RFTN1: variants seen among roughly 807,000 people sequenced by gnomAD.
RFTN1 encodes the protein raftlin, lipid raft linker 1, also known as raftlin.
Under a neutral mutation model 46.5 loss-of-function variants are expected in RFTN1, and 26 were observed. That is an observed-to-expected ratio of 0.56 (90% CI 0.41 to 0.78). The LOEUF is 0.78. RFTN1 is among the 30% of genes least tolerant of loss of function. The pLI, the probability that RFTN1 is intolerant of heterozygous loss-of-function variation, is 0.00. For synonymous variants in RFTN1, 261 were observed against 284.2 expected (o/e 0.92, Z 0.82); for missense variants, 693 against 718.7 (o/e 0.96, Z 0.41).
chr3:16,455,950 T>C (rs2075897307), intron 2 of RFTN1, among the ~76,000 whole-genome samples: 1 of 151,958 alleles, frequency 6.6e-6, no homozygotes, highest in African/African-American at 2.4e-5. Context: ...TAGTTTCACA[T>C]CCCCCGACAC....
rs954618769 is a variant in RFTN1 at position 16,320,993 on chromosome 3, C to T, written c.1332+2383G>A. 3.9e-5 allele frequency among the ~76,000 whole-genome samples: 6 copies of T among 152,044 alleles called. No homozygotes were observed. Among genetic ancestry groups the T allele is most frequent in the East Asian group, 1.9e-4 (1 of 5,194 alleles). On this transcript the variant is annotated intron_variant, in intron 9 of 9. Coordinates refer to ENST00000334133, the MANE Select transcript of RFTN1 (RefSeq NM_015150.2). This position sits in a 1 kb window ranked among gnomAD's most constrained non-coding sequence, Gnocchi z 4.5. ...TATTAGGAGATTAGAATAGCTGAGG[C>T]GAGTGATGGTAGAGAGAAGTGGAGG...
intron 7 of RFTN1, among the ~76,000 whole-genome samples, chr3:16,339,101 CTT>C (rs1302907033): frequency 6.6e-6 from 1 of 152,234 alleles, no homozygotes; most frequent in Non-Finnish European, 1.5e-5. Flanking sequence ...CTGTCACAGT[CTT>C]GACTCACTAA....
In RFTN1 at chr3:16,506,907, C is replaced by T. The variant is rs919594345; in HGVS notation, c.-9+6535G>A. ...GAATAGGAAAGACACTTATCTGGTA[C>T]AGGATGGTAAAGGGCATTTGGAATA... On this transcript the variant is annotated intron_variant, in intron 1 of 9. Transcript: ENST00000334133. This position sits in a 1 kb window ranked among gnomAD's most constrained non-coding sequence, Gnocchi z 4.8. Among the ~76,000 whole-genome samples, 1 of 152,162 alleles carries T rather than the reference C, an allele frequency of 6.6e-6. No homozygotes were observed. The highest frequency in any genetic ancestry group is 1.5e-5 in the Non-Finnish European group (1 of 68,030).
intron 2 of RFTN1, among the ~76,000 whole-genome samples, chr3:16,488,522 A>G (rs1471184879): frequency 2.6e-5 from 4 of 152,218 alleles, no homozygotes; most frequent in Admixed American, 2.0e-4. Flanking sequence ...TCCATGAAAA[A>G]TAAGTGTATA....
At chr3:16,372,841 T>C (rs2073578621) in intron 5 of RFTN1, among the ~76,000 whole-genome samples, 1 of 152,140 alleles carries the variant, frequency 6.6e-6, no homozygotes, top group African/African-American at 2.4e-5. Context: ...AATAAATTTC[T>C]CAGGAAAAGG....
In RFTN1 at chr3:16,346,753, T is replaced by C. The variant is rs1467629240; in HGVS notation, c.1146+11179A>G. On this transcript the variant is annotated intron_variant, in intron 7 of 9. Transcript: ENST00000334133. The surrounding 1 kb of genome is among the most constrained non-coding windows in gnomAD (Gnocchi z 4.4). ...GTGTGGCAGGAAAAAACTGCCCCGT[T>C]CTTCACGGTTGTCATCACATTTGCA... 6.6e-6 allele frequency among the ~76,000 whole-genome samples: 1 copy of C among 152,206 alleles called. No individual in the cohort carries two copies. Among genetic ancestry groups the C allele is most frequent in the Non-Finnish European group, 1.5e-5 (1 of 68,028 alleles).
rs2075248684 is a variant in RFTN1 at position 16,424,295 on chromosome 3, G to A, written c.332+9556C>T. Among the ~76,000 whole-genome samples, 2 of 152,190 alleles carry A rather than the reference G, an allele frequency of 1.3e-5. No homozygotes were observed. Among genetic ancestry groups the A allele is most frequent in the Admixed American group, 1.3e-4 (2 of 15,282 alleles). ...ACTCCAAACTTCGGACTGAGAAGTC[G>A]TTAATGACTTCTTCAGCCTCATTTT... On this transcript the variant is annotated intron_variant, in intron 3 of 9. Coordinates refer to ENST00000334133, the MANE Select transcript of RFTN1 (RefSeq NM_015150.2). The surrounding 1 kb of genome is among the most constrained non-coding windows in gnomAD (Gnocchi z 4.7).
At position 16,351,436 on chromosome 3, in the gene RFTN1, G is replaced by A. The variant is rs2072095757; in HGVS notation, c.1146+6496C>T. ...AGAAGCGAATAGTATGAAATAAAATGGGGGTTAACTCAACAAAAGATTGAA... is the reference window on the plus strand; with the variant it reads ...AGAAGCGAATAGTATGAAATAAAATAGGGGTTAACTCAACAAAAGATTGAA... On this transcript the variant is annotated intron_variant, in intron 7 of 9. Transcript: ENST00000334133. This position sits in a 1 kb window ranked among gnomAD's most constrained non-coding sequence, Gnocchi z 5.4. 6.6e-6 allele frequency among the ~76,000 whole-genome samples: 1 copy of A among 152,188 alleles called. No individual in the cohort carries two copies. The highest frequency in any genetic ancestry group is 1.5e-5 in the Non-Finnish European group (1 of 68,032).
rs778052652 is a variant in RFTN1 at position 16,357,973 on chromosome 3, C to T, written c.1105G>A (p.Gly369Ser). 1 of 1,613,064 alleles carries T rather than the reference C, an allele frequency of 6.2e-7. No individual in the cohort carries two copies. Residue 369 changes from glycine to serine, a missense_variant, in exon 7 of 10, where the codon GGC (glycine) becomes AGC (serine). Coordinates refer to ENST00000334133, the MANE Select transcript of RFTN1 (RefSeq NM_015150.2). ...VSTEDSKTIQGYDAIVVEQWT... is the reference protein window; with the variant it reads ...VSTEDSKTIQSYDAIVVEQWT... ...TGTTCAACCACAATAGCATCATAGC[C>T]CTGTATGGTTTTGCTATCTTCTGTG...
rs1491254639 is a variant in RFTN1, at chr3:16,465,454, ACC to A, written c.145+28269_145+28270del. On this transcript the variant is annotated intron_variant, in intron 2 of 9. Coordinates refer to ENST00000334133, the MANE Select transcript of RFTN1 (RefSeq NM_015150.2). This position sits in a 1 kb window ranked among gnomAD's most constrained non-coding sequence, Gnocchi z 5.1. Reference sequence around the variant, plus strand: ...CACACACACACACACACACACACACACCCCATGCCTGATTAAACAAAATAATT... The same window carrying A: ...CACACACACACACACACACACACACACCATGCCTGATTAAACAAAATAATT... Among the ~76,000 whole-genome samples, 18 of 144,778 alleles carry A rather than the reference ACC, an allele frequency of 1.2e-4. No homozygotes were observed. The highest frequency in any genetic ancestry group is 4.5e-4 in the African/African-American group (16 of 35,414). The allele number at this position is 144,778 out of a possible 152,430, so 95.0% of individuals were successfully genotyped here.
intron 2 of RFTN1, among the ~76,000 whole-genome samples, chr3:16,486,550 C>T (rs1559371034): frequency 1.3e-5 from 2 of 152,194 alleles, no homozygotes; most frequent in South Asian, 2.1e-4. Flanking sequence ...TCTGCTTCCA[C>T]CCTCTTCTCC....
rs1291010961 is a variant in RFTN1, at chr3:16,426,056, G to T, written c.332+7795C>A. Among the ~76,000 whole-genome samples, 1 of 152,194 alleles carries T rather than the reference G, an allele frequency of 6.6e-6. No homozygotes were observed. Among genetic ancestry groups the T allele is most frequent in the Non-Finnish European group, 1.5e-5 (1 of 68,038 alleles). ...ATTCCCCGCTCTGCCTTAAGCAAGA[G>T]CTCTGAATTCACCTTCCTCAATGTC... is the stretch of plus-strand genomic sequence containing the variant. On this transcript the variant is annotated intron_variant, in intron 3 of 9. Coordinates refer to ENST00000334133, the MANE Select transcript of RFTN1 (RefSeq NM_015150.2). This position sits in a 1 kb window ranked among gnomAD's most constrained non-coding sequence, Gnocchi z 5.9.
rs1391926154 is a variant in RFTN1 at position 16,446,743 on chromosome 3, C to A, written c.146-12706G>T. 6.6e-6 allele frequency among the ~76,000 whole-genome samples: 1 copy of A among 152,074 alleles called. No homozygotes were observed. The highest frequency in any genetic ancestry group is 2.4e-5 in the African/African-American group (1 of 41,378). ...AGAAAATGGAAAACAAGAGATTTCCCAAAAAGTGCGGTACCCGAGGGTATG... is the reference window on the plus strand; with the variant it reads ...AGAAAATGGAAAACAAGAGATTTCCAAAAAAGTGCGGTACCCGAGGGTATG... On this transcript the variant is annotated intron_variant, in intron 2 of 9. Coordinates refer to ENST00000334133, the MANE Select transcript of RFTN1 (RefSeq NM_015150.2). The surrounding 1 kb of genome is among the most constrained non-coding windows in gnomAD (Gnocchi z 4.5).
chr3:16,476,383 C>T (rs970763158), intron 2 of RFTN1, among the ~76,000 whole-genome samples: 1 of 152,216 alleles, frequency 6.6e-6, no homozygotes, highest in African/African-American at 2.4e-5. Context: ...CAAGGACAAA[C>T]CATGCCCTCA....
rs947354084 is a variant in RFTN1, at chr3:16,323,380, G to A, written c.1328C>T (p.Ser443Leu). Residue 443 changes from serine (S) to leucine (L), a missense_variant, in exon 9 of 10, where the codon TCG (serine) becomes TTG (leucine). Ser to Leu is a moderately radical substitution (Grantham distance 145, BLOSUM62 -2). Transcript: ENST00000334133. ...CLPQKIKKKESKFQWRFSREE... is the reference protein window; with the variant it reads ...CLPQKIKKKELKFQWRFSREE... Reference sequence around the variant, plus strand: ...AAGGCCATCAAAGTCTCTTACCTTCGATTCCTTCTTCTTGATTTTCTGAGG... The same window carrying A: ...AAGGCCATCAAAGTCTCTTACCTTCAATTCCTTCTTCTTGATTTTCTGAGG... The A allele has an allele frequency of 5.6e-6, 9 of 1,605,788 alleles. No individual in the cohort carries two copies. The highest frequency in any genetic ancestry group is 3.3e-5 in the South Asian group (3 of 90,950).
intron 4 of RFTN1, among the ~76,000 whole-genome samples, chr3:16,389,721 C>G (rs1389127452): frequency 6.6e-6 from 1 of 152,142 alleles, no homozygotes; most frequent in East Asian, 1.9e-4. Flanking sequence ...CTGTATTTTC[C>G]AAAGATGGCC....
intron 7 of RFTN1, among the ~76,000 whole-genome samples, chr3:16,357,192 C>CT (rs2072510115): frequency 6.6e-6 from 1 of 151,986 alleles, no homozygotes; most frequent in Non-Finnish European, 1.5e-5. Context: ...GTCCAAATAG[C>CT]TTCTCCCTTT....
At chr3:16,350,655 A>G (rs1213799881) in intron 7 of RFTN1, among the ~76,000 whole-genome samples, 2 of 152,024 alleles carry the variant, frequency 1.3e-5, no homozygotes, top group Non-Finnish European at 2.9e-5. Flanking sequence ...CTCGTTACTC[A>G]CCTGTGCTAT....
chr3:16,393,755 T>A (rs1156258774), intron 4 of RFTN1, among the ~76,000 whole-genome samples: 3 of 151,888 alleles, frequency 2.0e-5, no homozygotes, highest in African/African-American at 7.3e-5. Flanking sequence ...ACCTCCTGGG[T>A]TCACTCCATT....
Sources: gnomAD v4.1 joint callset for allele counts (sites outside exome capture counted in the v4.1 genomes callset) on GRCh38, gnomAD v4.1.1 for gene constraint, Gnocchi (gnomAD v3.1) non-coding constraint, MANE v1.5 for transcripts, NCBI Gene and HGNC (gene_info 2026-07-23, HGNC 2026-07-21) for gene names.